RNF217: variants seen among roughly 807,000 people sequenced by gnomAD.
The protein encoded by RNF217 is ring finger protein 217.
RNF217 carries 31 observed loss-of-function variants against 57.8 expected under a neutral mutation model. The ratio of observed to expected loss-of-function variants is 0.54; its 90% CI spans 0.40 to 0.72. RNF217 has a LOEUF of 0.72. RNF217 is among the 30% of genes least tolerant of loss of function. The pLI, the probability that RNF217 is intolerant of heterozygous loss-of-function variation, is 0.00. For synonymous variants in RNF217, 313 were observed against 294.0 expected (o/e 1.06, Z -0.66); for missense variants, 696 against 708.3 (o/e 0.98, Z 0.20).
At chr6:125,030,872 G>A (rs369643257) in intron 1 of RNF217, among the ~76,000 whole-genome samples, 59 of 152,240 alleles carry the variant, frequency 3.9e-4, no homozygotes, top group African/African-American at 1.2e-3. Flanking sequence ...TAGGGTCTCC[G>A]ACCCCACATT....
intron 3 of RNF217, among the ~76,000 whole-genome samples, chr6:125,074,297 GTAGA>G (rs61208735): frequency 0.3 from 43,771 of 144,614 alleles, 6,656 homozygotes; most frequent in African/African-American, 0.35. Flanking sequence ...CAGAAGATAG[GTAGA>G]TAGATAGATA....
At position 125,088,500 on chromosome 6, in the gene RNF217, A is replaced by G. The variant is rs768613861; in HGVS notation, c.*5563A>G. 12 of 152,182 alleles carry G rather than the reference A, an allele frequency of 7.9e-5. No homozygotes were observed. Among genetic ancestry groups the G allele is most frequent in the Non-Finnish European group, 1.5e-4 (10 of 68,028 alleles). 9.4% of individuals were successfully genotyped at this position (152,182 alleles called of 1,614,324 possible). ...GAGTCACAGTAGTGAGACTATTCTC[A>G]TTGCTTCTTTGGAGCATTAGCTGAA... is the stretch of plus-strand genomic sequence containing the variant. On this transcript the variant is annotated 3_prime_UTR_variant, in exon 6 of 6. Coordinates refer to ENST00000521654, the MANE Select transcript of RNF217 (RefSeq NM_001286398.3).
rs780792166 is a variant in RNF217 at position 125,057,969 on chromosome 6, T to C, written c.1144T>C (p.Trp382Arg). ...KIQCPTCQFVWCFKCHSPWHE... is the reference protein window; with the variant it reads ...KIQCPTCQFVRCFKCHSPWHE... ...CCAGTGCCCTACCTGCCAATTCGTCTGGTGTTTTAAGTGCCACTCTCCTTG... is the reference window on the plus strand; with the variant it reads ...CCAGTGCCCTACCTGCCAATTCGTCCGGTGTTTTAAGTGCCACTCTCCTTG... The change falls in exon 3 of 6, where the codon TGG becomes CGG. Residue 382 changes from tryptophan to arginine, a missense_variant. Transcript: ENST00000521654. 1 of 1,611,810 alleles carries C rather than the reference T, an allele frequency of 6.2e-7. No individual in the cohort carries two copies. Among genetic ancestry groups the C allele is most frequent in the East Asian group, 2.2e-5 (1 of 44,822 alleles).
At chr6:124,982,730 G>T (rs1334423) in intron 1 of RNF217, among the ~76,000 whole-genome samples, 8 of 152,154 alleles carry the variant, frequency 5.3e-5, no homozygotes, top group African/African-American at 1.9e-4. Context: ...TTGGTTTCTA[G>T]ATGATATGCA....
At chr6:124,991,821 C>T (rs1337878751) in intron 1 of RNF217, among the ~76,000 whole-genome samples, 2 of 152,114 alleles carry the variant, frequency 1.3e-5, no homozygotes, top group Non-Finnish European at 2.9e-5. Flanking sequence ...AGATTTAGTT[C>T]CTCAGTCCTA....
intron 3 of RNF217, among the ~76,000 whole-genome samples, chr6:125,068,334 C>T (rs1385807030): frequency 6.6e-6 from 1 of 152,174 alleles, no homozygotes; most frequent in African/African-American, 2.4e-5. Context: ...TCTCTCCCTA[C>T]CTTTAAGTCC....
rs1297530238 is a variant in RNF217, at chr6:125,091,134, G to T, written c.*8197G>T. 2 of 151,868 alleles carry T rather than the reference G, an allele frequency of 1.3e-5. No homozygotes were observed. The highest frequency in any genetic ancestry group is 4.8e-5 in the African/African-American group (2 of 41,380). The allele number at this position is 151,868 out of a possible 1,614,324, so 9.4% of individuals were successfully genotyped here. A position where few individuals can be genotyped will look rare whatever the true frequency, so the allele number is the denominator to read the frequency against. The stretch of plus-strand genomic sequence containing the variant: ...GTTGTTTCCATGAATTGTGTTTTTA[G>T]CATAGTATATACTTTTCTACCACGT... On this transcript the variant is annotated 3_prime_UTR_variant, in exon 6 of 6. Transcript: ENST00000521654.
rs577377236 is a variant in RNF217, at chr6:125,084,628, C to T, written c.*1691C>T. The T allele has an allele frequency of 5.9e-5, 9 of 152,040 alleles. No homozygotes were observed. Among genetic ancestry groups the T allele is most frequent in the South Asian group, 4.1e-4 (2 of 4,824 alleles). The allele number at this position is 152,040 out of a possible 1,614,324, so 9.4% of individuals were successfully genotyped here. The stretch of plus-strand genomic sequence containing the variant: ...TGACATAAAAAGTGAAGTTGACTTG[C>T]GTGAATAACAATCCAGCATGCTTTC... On this transcript the variant is annotated 3_prime_UTR_variant, in exon 6 of 6. Transcript: ENST00000521654.
chr6:125,033,517 C>T (rs1177589312), intron 1 of RNF217, among the ~76,000 whole-genome samples: 1 of 149,164 alleles, frequency 6.7e-6, no homozygotes, highest in Non-Finnish European at 1.5e-5. Context: ...CTACAAAGGA[C>T]ATGAACTCAT....
intron 1 of RNF217, among the ~76,000 whole-genome samples, chr6:124,979,171 C>T (rs1372384083): frequency 6.6e-6 from 1 of 152,152 alleles, no homozygotes. Context: ...AAGGACCTGA[C>T]CCTGTCTGCC....
chr6:125,038,557 G>T lies in RNF217; in HGVS notation c.883-6654G>T, dbSNP rs1312572716. Among the ~76,000 whole-genome samples the T allele has an allele frequency of 2.0e-5, 3 of 152,190 alleles. No individual in the cohort carries two copies. In the East Asian group the frequency reaches 5.8e-4, roughly 29 times the overall value. Reference sequence around the variant, plus strand: ...GTAAGCTAGAGGATGGCTATTTAAGGATTCATAATACCCATCTGCCAACCT... The same window carrying T: ...GTAAGCTAGAGGATGGCTATTTAAGTATTCATAATACCCATCTGCCAACCT... On this transcript the variant is annotated intron_variant, in intron 1 of 5. Transcript: ENST00000521654.
chr6:124,976,559 C>T (rs188768827), intron 1 of RNF217, among the ~76,000 whole-genome samples: 11 of 142,696 alleles, frequency 7.7e-5, no homozygotes, highest in Non-Finnish European at 1.2e-4. Flanking sequence ...TGAGCCACCA[C>T]GCTTGGCCTA....
In RNF217 at chr6:125,083,140, C is replaced by G; in HGVS notation, c.*203C>G. 1 of 431,754 alleles carries G rather than the reference C, an allele frequency of 2.3e-6. No homozygotes were observed. Among genetic ancestry groups the G allele is most frequent in the Non-Finnish European group, 4.1e-6 (1 of 246,360 alleles). The allele number at this position is 431,754 out of a possible 1,614,324, so 26.7% of individuals were successfully genotyped here. ...TGTCCTTTCCCTAAACAAATTGCTG[C>G]TGCTTTTAAAAAATGGTCACTTTCA... On this transcript the variant is annotated 3_prime_UTR_variant, in exon 6 of 6. Coordinates refer to ENST00000521654, the MANE Select transcript of RNF217 (RefSeq NM_001286398.3).
chr6:125,028,989 A>G (rs552705), intron 1 of RNF217, among the ~76,000 whole-genome samples: 130,825 of 152,142 alleles, frequency 0.86, 56,627 homozygotes, highest in East Asian at 1. Context: ...TTGACCAATA[A>G]CAAAATCAAG....
At chr6:125,006,914 G>A (rs773188436) in intron 1 of RNF217, among the ~76,000 whole-genome samples, 8 of 152,210 alleles carry the variant, frequency 5.3e-5, no homozygotes, top group Admixed American at 1.3e-4. Context: ...GCGCCATTGC[G>A]CTCTAGCCTG....
At chr6:125,078,799 TC>T (rs1788469177) in intron 4 of RNF217, among the ~76,000 whole-genome samples, 1 of 152,120 alleles carries the variant, frequency 6.6e-6, no homozygotes, top group African/African-American at 2.4e-5. Flanking sequence ...AACTCTCTCA[TC>T]CACACATATT....
At chr6:125,082,437 TGTATTATACA>T (rs1400265250) in intron 5 of RNF217, 4 of 1,590,476 alleles carry the variant, frequency 2.5e-6, no homozygotes, top group Non-Finnish European at 3.4e-6. Flanking sequence ...TATTATTATC[TGTATTATACA>T]GTTGAGGAAA....
In RNF217 at chr6:125,079,382, C is replaced by T. The variant is rs147220859; in HGVS notation, c.1484-2054C>T. Among the ~76,000 whole-genome samples the T allele has an allele frequency of 5.0e-4, 74 of 147,006 alleles. No individual in the cohort carries two copies. The East Asian group carries it at 0.012, about 24-fold the overall frequency. ...AGGTCTTCAATTGATTTCTAGATGG[C>T]AAATAATTTATATAAACAAAAACAA... On this transcript the variant is annotated intron_variant, in intron 4 of 5. Transcript: ENST00000521654.
chr6:125,027,455 A>G (rs1397932245), intron 1 of RNF217, among the ~76,000 whole-genome samples: 4 of 152,140 alleles, frequency 2.6e-5, no homozygotes, highest in African/African-American at 9.7e-5. Flanking sequence ...ATAATCTGCA[A>G]TTTCCTCCAT....
Sources: gnomAD v4.1 joint callset for allele counts (sites outside exome capture counted in the v4.1 genomes callset) on GRCh38, gnomAD v4.1.1 for gene constraint, MANE v1.5 for transcripts, NCBI Gene and HGNC (gene_info 2026-07-23, HGNC 2026-07-21) for gene names.